ANK1: variants seen among roughly 807,000 people sequenced by gnomAD.
ANK1 encodes ankyrin 1.
ANK1 carries 51 observed loss-of-function variants against 210.4 expected under a neutral mutation model. That is an observed-to-expected ratio of 0.24 (90% CI 0.19 to 0.31). The LOEUF (loss-of-function observed/expected upper bound fraction) is 0.31. Among genes scored for constraint, ANK1 ranks in the 10% least tolerant of loss-of-function variants. The probability of loss-of-function intolerance (pLI) is 1.00; values close to 1 mark genes in which losing one functional copy is unlikely to be tolerated. For synonymous variants in ANK1, 967 were observed against 1,025.9 expected, an observed-to-expected ratio of 0.94 and a Z score of 1.10; for missense variants, 2,051 against 2,504.4, an observed-to-expected ratio of 0.82 and a Z score of 3.86.
At chr8:41,855,453 T>G (rs1812020848) in intron 1 of ANK1, among the ~76,000 whole-genome samples, 1 of 152,200 alleles carries the variant, frequency 6.6e-6, no homozygotes, top group African/African-American at 2.4e-5. Flanking sequence ...TCCATCCACA[T>G]TTTGGATCAC....
intron 1 of ANK1, among the ~76,000 whole-genome samples, chr8:41,892,238 C>T (rs986222642): frequency 6.6e-6 from 1 of 151,906 alleles, no homozygotes; most frequent in Non-Finnish European, 1.5e-5. Flanking sequence ...ACGCAGGTGC[C>T]CCCCCACCCC....
At chr8:41,763,259 G>C (rs1840869406) in intron 1 of ANK1, among the ~76,000 whole-genome samples, 1 of 151,834 alleles carries the variant, frequency 6.6e-6, no homozygotes, top group Non-Finnish European at 1.5e-5. Context: ...TAAATAGAGG[G>C]TAAGGGAAGC....
chr8:41,893,206 T>A (rs1255739910), intron 1 of ANK1, among the ~76,000 whole-genome samples: 2 of 152,228 alleles, frequency 1.3e-5, no homozygotes, highest in East Asian at 3.9e-4. Context: ...AAAGCTGTCA[T>A]CCTTCATGCA....
chr8:41,752,047 A>G (rs1257663033), intron 2 of ANK1, among the ~76,000 whole-genome samples: 2 of 151,852 alleles, frequency 1.3e-5, no homozygotes, highest in African/African-American at 4.8e-5. Flanking sequence ...TCCCAAGAAT[A>G]CTGTTCCCCA....
At chr8:41,758,857 G>A (rs1484853337) in intron 1 of ANK1, among the ~76,000 whole-genome samples, 3 of 152,140 alleles carry the variant, frequency 2.0e-5, no homozygotes, top group Non-Finnish European at 2.9e-5. Context: ...GGAACCAAGC[G>A]TGGGCTCTTT....
At position 41,830,931 on chromosome 8, in the gene ANK1, G is replaced by A. The variant is rs569921815; in HGVS notation, c.126+65424C>T. On this transcript the variant is annotated intron_variant, in intron 1 of 42. Coordinates refer to the ANK1 transcript ENST00000265709. Reference sequence around the variant, plus strand: ...ACACGGCTGTTTACATAATCACTTGGTCACCTCACCAAATGGATTAATCTT... The same window carrying A: ...ACACGGCTGTTTACATAATCACTTGATCACCTCACCAAATGGATTAATCTT... 5.3e-5 allele frequency among the ~76,000 whole-genome samples: 8 copies of A among 152,272 alleles called. No individual in the cohort carries two copies. In the South Asian group the frequency reaches 1.7e-3, roughly 32 times the overall value.
intron 31 of ANK1, among the ~76,000 whole-genome samples, 184 bp from the exon 32 acceptor site, chr8:41,690,783 G>C (rs1819069118): frequency 6.6e-6 from 1 of 152,206 alleles, no homozygotes; most frequent in Admixed American, 6.5e-5. Context: ...TGATCAATGA[G>C]GCATGCTTCC....
At chr8:41,842,098 C>A (rs1220503399) in intron 1 of ANK1, among the ~76,000 whole-genome samples, 1 of 152,190 alleles carries the variant, frequency 6.6e-6, no homozygotes, top group Non-Finnish European at 1.5e-5. Context: ...TGACTGTGAC[C>A]CAGGCCACCC....
intron 1 of ANK1, among the ~76,000 whole-genome samples, chr8:41,780,984 G>A (rs1253585632): frequency 1.3e-5 from 2 of 152,180 alleles, no homozygotes; most frequent in Non-Finnish European, 2.9e-5. Context: ...AAGAAATCAA[G>A]AGTGGTTCTG....
At chr8:41,755,131 C>A (rs1838795447) in intron 2 of ANK1, among the ~76,000 whole-genome samples, 1 of 152,246 alleles carries the variant, frequency 6.6e-6, no homozygotes, top group Admixed American at 6.5e-5. Flanking sequence ...GGGCTGACAG[C>A]CACTTGTCAC....
chr8:41,754,876 C>G (rs1381877907), intron 2 of ANK1, among the ~76,000 whole-genome samples: 1 of 152,234 alleles, frequency 6.6e-6, no homozygotes, highest in Non-Finnish European at 1.5e-5. Context: ...TTTCCAGGCG[C>G]AGCCACCTGC....
chr8:41,759,916 C>T (rs1174678813), intron 1 of ANK1, among the ~76,000 whole-genome samples: 3 of 152,170 alleles, frequency 2.0e-5, no homozygotes, highest in African/African-American at 7.2e-5. Flanking sequence ...GGAGGCACAG[C>T]CAGGACTCAG....
At chr8:41,761,123 G>GCA (rs35420752) in intron 1 of ANK1, among the ~76,000 whole-genome samples, 3,065 of 147,906 alleles carry the variant, frequency 0.021, 92 homozygotes, top group African/African-American at 0.07. Flanking sequence ...AGACACACAT[G>GCA]CACACACACA....
At chr8:41,668,608 A>G in intron 38 of ANK1, 44 bp from the exon 39 acceptor site, 2 of 1,576,786 alleles carry the variant, frequency 1.3e-6, no homozygotes, top group Non-Finnish European at 1.7e-6. Flanking sequence ...GGGGAGAGAG[A>G]AAAGACACCT....
In ANK1 at chr8:41,785,841, C is replaced by A. The variant is rs148167238; in HGVS notation, c.27+11671G>T. On this transcript the variant is annotated intron_variant, in intron 1 of 42. Coordinates refer to ENST00000289734, the MANE Select transcript of ANK1 (RefSeq NM_000037.4). ...GTGCTTTCCAGACCCTTTAAACACC[C>A]TGGCGGAGCCTTGCTCGGCCCTTCT... is the stretch of plus-strand genomic sequence containing the variant. Among the ~76,000 whole-genome samples the A allele has an allele frequency of 2.5e-3, 385 of 152,346 alleles. 1 individual carries two copies. Among genetic ancestry groups the A allele is most frequent in the African/African-American group, 8.5e-3 (352 of 41,578 alleles).
At chr8:41,851,520 T>C (rs1811243789) in intron 1 of ANK1, among the ~76,000 whole-genome samples, 1 of 152,198 alleles carries the variant, frequency 6.6e-6, no homozygotes, top group Non-Finnish European at 1.5e-5. Context: ...GCAGTACGAC[T>C]CCACCTCTGG....
chr8:41,883,391 C>T (rs75461328), intron 1 of ANK1, among the ~76,000 whole-genome samples: 1 of 152,326 alleles, frequency 6.6e-6, no homozygotes, highest in East Asian at 1.9e-4. Context: ...TGCCCTGTGG[C>T]CTTGTAAACC....
At chr8:41,896,657 G>C (rs1462058489) in exon 1 of ANK1, 6 of 790,862 alleles carry the variant, frequency 7.6e-6, no homozygotes, top group Non-Finnish European at 1.0e-5. Flanking sequence ...TTCCGGACGC[G>C]GAGGGCGAGG....
intron 1 of ANK1, among the ~76,000 whole-genome samples, chr8:41,833,287 G>A (rs1387078440): frequency 6.6e-6 from 1 of 152,178 alleles, no homozygotes; most frequent in East Asian, 1.9e-4. Context: ...GTCACCCCTG[G>A]TGGCCCACAG....
Sources: allele counts gnomAD v4.1 joint callset (sites outside exome capture counted in the v4.1 genomes callset), GRCh38; gene constraint gnomAD v4.1.1; transcripts MANE v1.5; gene names NCBI Gene and HGNC (gene_info 2026-07-23, HGNC 2026-07-21).